Variants in FBXL7 observed in about 807,000 individuals in gnomAD.
The protein encoded by FBXL7 is F-box and leucine rich repeat protein 7, also known as F-box/LRR-repeat protein 7.
FBXL7 carries 12 observed loss-of-function variants against 38.3 expected under a neutral mutation model. The ratio of observed to expected loss-of-function variants is 0.31; its 90% CI spans 0.20 to 0.51. The LOEUF is 0.51. Ranked by LOEUF, FBXL7 falls within the 20% of genes least tolerant of loss-of-function variation. FBXL7 has a pLI of 0.98. For synonymous variants in FBXL7, 297 were observed against 300.9 expected (o/e 0.99, Z 0.13); for missense variants, 567 against 676.4 (o/e 0.84, Z 1.79).
chr5:15,703,985 C>T (rs901558317), intron 2 of FBXL7, among the ~76,000 whole-genome samples: 10 of 152,300 alleles, frequency 6.6e-5, no homozygotes, highest in Middle Eastern at 3.4e-3. Flanking sequence ...TTCTCAGCTG[C>T]GTCCTTAGTA....
At chr5:15,680,070 C>G (rs545451087) in intron 2 of FBXL7, among the ~76,000 whole-genome samples, 80 of 152,272 alleles carry the variant, frequency 5.3e-4, no homozygotes, top group African/African-American at 1.9e-3. Flanking sequence ...TATCTACATT[C>G]AGAATTCAAT....
intron 1 of FBXL7, among the ~76,000 whole-genome samples, chr5:15,588,176 A>G (rs948169504): frequency 6.6e-6 from 1 of 152,176 alleles, no homozygotes. Context: ...CAATGGTGGT[A>G]GATTGTGGAG....
At chr5:15,582,954 G>A (rs1269486735) in intron 1 of FBXL7, among the ~76,000 whole-genome samples, 1 of 148,448 alleles carries the variant, frequency 6.7e-6, no homozygotes, top group South Asian at 2.1e-4. Flanking sequence ...TTTTTTTGTG[G>A]GGATGTTGTA....
At chr5:15,613,823 C>G (rs566575971) in intron 1 of FBXL7, among the ~76,000 whole-genome samples, 23 of 152,254 alleles carry the variant, frequency 1.5e-4, no homozygotes, top group African/African-American at 5.5e-4. Context: ...GACTGGGGGG[C>G]TTATAAACAA....
chr5:15,900,864 A>G (rs151130841), intron 2 of FBXL7, among the ~76,000 whole-genome samples: 2 of 152,360 alleles, frequency 1.3e-5, no homozygotes, highest in African/African-American at 4.8e-5. Context: ...GAACAAGTTT[A>G]CTTTACAATC....
intron 2 of FBXL7, among the ~76,000 whole-genome samples, chr5:15,832,375 A>G (rs566394120): frequency 6.6e-6 from 1 of 152,366 alleles, no homozygotes; most frequent in South Asian, 2.1e-4. Flanking sequence ...TCACTAGGGA[A>G]TAAATCAAGC....
intron 2 of FBXL7, among the ~76,000 whole-genome samples, chr5:15,921,465 C>A (rs1741739919): frequency 6.6e-6 from 1 of 151,892 alleles, no homozygotes; most frequent in Admixed American, 6.6e-5. Context: ...CTGTCCATGT[C>A]TCCATTCATC....
chr5:15,923,721 C>G (rs1741805665), intron 2 of FBXL7, among the ~76,000 whole-genome samples: 1 of 152,008 alleles, frequency 6.6e-6, no homozygotes, highest in African/African-American at 2.4e-5. Flanking sequence ...AGGTTGTTGG[C>G]CTGCTGTAGG....
At position 15,928,384 on chromosome 5, in the gene FBXL7, G is replaced by T. The variant is rs767457969; in HGVS notation, c.622G>T (p.Ala208Ser). ...CACAGACCGAGGGCTGTACACCATC[G>T]CCCAGTGCTGCCCCGAACTGAGGCG... ...RLTDRGLYTIAQCCPELRRLE... is the reference protein window; with the variant it reads ...RLTDRGLYTISQCCPELRRLE... Residue 208 changes from alanine to serine, a missense_variant, in exon 3 of 4, where the codon GCC (alanine) becomes TCC (serine). Ala to Ser is a moderately conservative substitution (Grantham distance 99). Transcript: ENST00000504595. This position sits in a 1 kb window ranked among gnomAD's most constrained non-coding sequence, Gnocchi z 4.0. 3 of 1,614,036 alleles carry T rather than the reference G, an allele frequency of 1.9e-6. No homozygotes were observed. The highest frequency in any genetic ancestry group is 2.2e-5 in the East Asian group (1 of 44,878).
intron 2 of FBXL7, among the ~76,000 whole-genome samples, chr5:15,691,331 T>A (rs1331325878): frequency 6.6e-6 from 1 of 152,216 alleles, no homozygotes; most frequent in Non-Finnish European, 1.5e-5. Flanking sequence ...TTTCATGTAA[T>A]TGCATCCAAC....
intron 1 of FBXL7, among the ~76,000 whole-genome samples, chr5:15,581,450 G>A (rs889347532): frequency 2.0e-5 from 3 of 152,100 alleles, no homozygotes; most frequent in Non-Finnish European, 4.4e-5. Flanking sequence ...ACTAATGTTG[G>A]CTAGTGGGAC....
intron 2 of FBXL7, among the ~76,000 whole-genome samples, chr5:15,720,911 G>T (rs1250506279): frequency 6.6e-6 from 1 of 151,968 alleles, no homozygotes; most frequent in African/African-American, 2.4e-5. Context: ...GGTTAAGATA[G>T]AAATATGTTT....
intron 2 of FBXL7, among the ~76,000 whole-genome samples, chr5:15,840,096 A>C (rs1385657778): frequency 6.6e-6 from 1 of 152,192 alleles, no homozygotes; most frequent in Non-Finnish European, 1.5e-5. Context: ...GAAATGACCT[A>C]AGCTTTCAAG....
intron 2 of FBXL7, among the ~76,000 whole-genome samples, chr5:15,746,827 T>A (rs1736028015): frequency 6.6e-6 from 1 of 152,048 alleles, no homozygotes; most frequent in African/African-American, 2.4e-5. Flanking sequence ...AAAATAAATC[T>A]AAGGGAAAAC....
chr5:15,609,319 A>G (rs922788540), intron 1 of FBXL7, among the ~76,000 whole-genome samples: 5 of 152,184 alleles, frequency 3.3e-5, no homozygotes, highest in African/African-American at 9.6e-5. Flanking sequence ...TTCAACCCCC[A>G]GAGTTTTCTT....
At chr5:15,832,634 GACAA>G (rs371597960) in intron 2 of FBXL7, among the ~76,000 whole-genome samples, 5 of 152,294 alleles carry the variant, frequency 3.3e-5, no homozygotes, top group African/African-American at 1.2e-4. Context: ...ACACTTTGGT[GACAA>G]ACAACATTGA....
At chr5:15,765,822 G>T (rs529261898) in intron 2 of FBXL7, among the ~76,000 whole-genome samples, 1 of 152,004 alleles carries the variant, frequency 6.6e-6, no homozygotes, top group East Asian at 1.9e-4. Flanking sequence ...CTGTAGTACT[G>T]AACTCATCAT....
intron 1 of FBXL7, among the ~76,000 whole-genome samples, chr5:15,589,705 A>C (rs1196666034): frequency 1.3e-5 from 2 of 152,236 alleles, no homozygotes; most frequent in African/African-American, 2.4e-5. Context: ...TAAGAAGCTT[A>C]AAAGAGAGGG....
At chr5:15,725,894 T>C (rs1744334987) in intron 2 of FBXL7, among the ~76,000 whole-genome samples, 1 of 152,176 alleles carries the variant, frequency 6.6e-6, no homozygotes. Context: ...CTTGGTTTAT[T>C]GTGTTGTTTA....
Sources: gnomAD v4.1 joint callset for allele counts (sites outside exome capture counted in the v4.1 genomes callset) on GRCh38, gnomAD v4.1.1 for gene constraint, Gnocchi (gnomAD v3.1) non-coding constraint, MANE v1.5 for transcripts, NCBI Gene and HGNC (gene_info 2026-07-23, HGNC 2026-07-21) for gene names.